The following SLC4A10 variants were observed in gnomAD, a reference collection of about 807,000 sequenced individuals.
SLC4A10 encodes the protein sodium-driven chloride bicarbonate exchanger.
SLC4A10 carries 42 observed loss-of-function variants against 137.7 expected under a neutral mutation model. The observed-to-expected ratio is 0.30, with a 90% CI of 0.24 to 0.39. The LOEUF (loss-of-function observed/expected upper bound fraction) is 0.39. Ranked by LOEUF, SLC4A10 falls within the 10% of genes least tolerant of loss-of-function variation. The pLI is 1.00. For missense variants in SLC4A10, 925 were observed against 1,355.0 expected (o/e 0.68, Z 4.98); for synonymous variants, 474 against 464.1 (o/e 1.02, Z -0.27).
At chr2:161,724,018 T>C (rs2045963157) in intron 1 of SLC4A10, among the ~76,000 whole-genome samples, 1 of 152,232 alleles carries the variant, frequency 6.6e-6, no homozygotes, top group African/African-American at 2.4e-5. Flanking sequence ...TTTCATAGCA[T>C]GACAACCTGA....
Position 161,872,360 on chromosome 2 carries a change from A to G in SLC4A10, c.834A>G (p.Glu278=), listed in dbSNP as rs1279455787. 6.2e-7 allele frequency: 1 copy of G among 1,613,636 alleles called. No individual in the cohort carries two copies. Among genetic ancestry groups the G allele is most frequent in the Admixed American group, 1.7e-5 (1 of 60,012 alleles). Residue 278 remains glutamate (E), a synonymous_variant, in exon 7 of 27, where the codon GAA becomes GAG. Coordinates refer to ENST00000446997, the MANE Select transcript of SLC4A10 (RefSeq NM_001178015.2). ...AAAATAAAAATGATGTTAGCAGAGAAAACAGCACTGTTGACTTTAGCAAGG... is the reference window on the plus strand; with the variant it reads ...AAAATAAAAATGATGTTAGCAGAGAGAACAGCACTGTTGACTTTAGCAAGG... ...CVENKNDVSR[E]NSTVDFSKGL...
chr2:161,956,919 T>C lies in SLC4A10; in HGVS notation c.2542-70T>C. 4 of 1,464,544 alleles carry C rather than the reference T, an allele frequency of 2.7e-6. No homozygotes were observed. In the South Asian group the frequency reaches 5.7e-5, roughly 21 times the overall value. 90.7% of individuals were successfully genotyped at this position (1,464,544 alleles called of 1,614,324 possible). A position where few individuals can be genotyped will look rare whatever the true frequency, so the allele number is the denominator to read the frequency against. On this transcript the variant is annotated intron_variant, in intron 19 of 26. Coordinates refer to ENST00000446997, the MANE Select transcript of SLC4A10 (RefSeq NM_001178015.2). ...AGTATCATCAGGAAGTGGTTTCTAT[T>C]CGCAATCAGGCCACCCTTAGCCCTG...
At chr2:161,879,630 G>C (rs1355594064) in intron 9 of SLC4A10, among the ~76,000 whole-genome samples, 1 of 147,164 alleles carries the variant, frequency 6.8e-6, no homozygotes, top group East Asian at 2.0e-4. Flanking sequence ...TAAATTGTCT[G>C]CTATAGAAAG....
chr2:161,799,990 A>G (rs529648350), intron 2 of SLC4A10, among the ~76,000 whole-genome samples: 4 of 152,098 alleles, frequency 2.6e-5, no homozygotes, highest in African/African-American at 7.2e-5. Context: ...ACAATAAGCA[A>G]ATCTTTAGGG....
chr2:161,734,605 C>A (rs555490384), intron 1 of SLC4A10, among the ~76,000 whole-genome samples: 1 of 152,142 alleles, frequency 6.6e-6, no homozygotes, highest in African/African-American at 2.4e-5. Flanking sequence ...CTAGTTTTAT[C>A]TATTTTTTAT....
Position 161,656,213 on chromosome 2 carries a change from G to T in SLC4A10, c.48+31647G>T, listed in dbSNP as rs182555853. ...ATAAACGTGATATACCACATTAACA[G>T]AATGAGGGATAAAAATCACATGATC... On this transcript the variant is annotated intron_variant, in intron 1 of 26. Transcript: ENST00000446997. Among the ~76,000 whole-genome samples the T allele has an allele frequency of 3.9e-5, 6 of 152,268 alleles. No individual in the cohort carries two copies. In the East Asian group the frequency reaches 1.2e-3, roughly 29 times the overall value.
chr2:161,751,694 A>G (rs1024668447), intron 1 of SLC4A10, among the ~76,000 whole-genome samples: 1 of 151,616 alleles, frequency 6.6e-6, no homozygotes, highest in South Asian at 2.1e-4. Context: ...TTTTATTACT[A>G]TTATTATTGC....
intron 4 of SLC4A10, among the ~76,000 whole-genome samples, chr2:161,853,177 A>G (rs2059923312): frequency 6.6e-6 from 1 of 152,198 alleles, no homozygotes; most frequent in African/African-American, 2.4e-5. Flanking sequence ...GATCTATGTC[A>G]GTTGGGATAG....
At chr2:161,979,328 G>C (rs1699869318) in intron 26 of SLC4A10, among the ~76,000 whole-genome samples, 1 of 152,188 alleles carries the variant, frequency 6.6e-6, no homozygotes, top group Admixed American at 6.5e-5. Flanking sequence ...CACATAGTGG[G>C]TTGACTCTAG....
chr2:161,934,787 G>GT (rs917989675), intron 15 of SLC4A10, among the ~76,000 whole-genome samples: 6 of 150,842 alleles, frequency 4.0e-5, no homozygotes, highest in African/African-American at 7.3e-5. Context: ...TTTTAACCTT[G>GT]TTTTTTTTCT....
chr2:161,794,394 C>T (rs1174314217), intron 2 of SLC4A10, among the ~76,000 whole-genome samples: 1 of 151,982 alleles, frequency 6.6e-6, no homozygotes, highest in South Asian at 2.1e-4. Flanking sequence ...TCTTACCACG[C>T]ACATACAAAT....
At chr2:161,731,968 C>G (rs1011548909) in intron 1 of SLC4A10, among the ~76,000 whole-genome samples, 3 of 151,928 alleles carry the variant, frequency 2.0e-5, no homozygotes, top group African/African-American at 7.3e-5. Context: ...TGACATGACT[C>G]CTTTATATTT....
chr2:161,935,591 C>A (rs1285033246), intron 15 of SLC4A10, among the ~76,000 whole-genome samples: 1 of 152,040 alleles, frequency 6.6e-6, no homozygotes, highest in Non-Finnish European at 1.5e-5. Flanking sequence ...GGTCTTTCAC[C>A]TCCTTTGGAT....
intron 23 of SLC4A10, among the ~76,000 whole-genome samples, chr2:161,968,205 G>A (rs1346045042): frequency 3.3e-5 from 5 of 152,102 alleles, no homozygotes; most frequent in Non-Finnish European, 7.4e-5. Context: ...AATAATAATT[G>A]TAAATTTATT....
At chr2:161,935,298 T>G (rs1333403514) in intron 15 of SLC4A10, among the ~76,000 whole-genome samples, 1 of 152,222 alleles carries the variant, frequency 6.6e-6, no homozygotes, top group Non-Finnish European at 1.5e-5. Context: ...TGTGGTGTAT[T>G]TTGAAGTTTG....
At chr2:161,866,708 G>A (rs2060780110) in intron 6 of SLC4A10, among the ~76,000 whole-genome samples, 1 of 151,768 alleles carries the variant, frequency 6.6e-6, no homozygotes, top group Non-Finnish European at 1.5e-5. Flanking sequence ...ATTTGAATTA[G>A]GAAGATTTTC....
chr2:161,682,021 C>T (rs527776601), intron 1 of SLC4A10, among the ~76,000 whole-genome samples: 1 of 152,220 alleles, frequency 6.6e-6, no homozygotes, highest in South Asian at 2.1e-4. Context: ...CCTTCAGGGA[C>T]AATCAGACTT....
At chr2:161,899,577 C>G (rs1575538717) in intron 11 of SLC4A10, among the ~76,000 whole-genome samples, 1 of 152,070 alleles carries the variant, frequency 6.6e-6, no homozygotes, top group African/African-American at 2.4e-5. Flanking sequence ...ATGTTCTTTA[C>G]TTGGCTCCCA....
At chr2:161,958,779 C>CT (rs1489706420) in intron 21 of SLC4A10, among the ~76,000 whole-genome samples, 1 of 152,134 alleles carries the variant, frequency 6.6e-6, no homozygotes, top group Non-Finnish European at 1.5e-5. Context: ...TATATTAAAA[C>CT]TGTAAGAGGC....
Sources: gnomAD v4.1 joint callset for allele counts (sites outside exome capture counted in the v4.1 genomes callset) on GRCh38, gnomAD v4.1.1 for gene constraint, MANE v1.5 for transcripts, NCBI Gene and HGNC (gene_info 2026-07-23, HGNC 2026-07-21) for gene names.